The following PTPRN2 variants were observed in gnomAD, a reference collection of about 807,000 sequenced individuals.
PTPRN2 encodes receptor-type tyrosine-protein phosphatase N2.
PTPRN2 carries 74 observed loss-of-function variants against 118.8 expected under a neutral mutation model. The ratio of observed to expected loss-of-function variants is 0.62; its 90% CI spans 0.52 to 0.76. The LOEUF (loss-of-function observed/expected upper bound fraction) is 0.76, where lower values mean the gene tolerates loss of function less well. PTPRN2 is among the 30% of genes least tolerant of loss of function. The pLI is 0.00. For synonymous variants in PTPRN2, 641 were observed against 608.0 expected (o/e 1.05, Z -0.80); for missense variants, 1,481 against 1,394.4 (o/e 1.06, Z -0.99).
chr7:158,476,507 G>A (rs1352534659), intron 2 of PTPRN2, among the ~76,000 whole-genome samples: 1 of 152,234 alleles, frequency 6.6e-6, no homozygotes, highest in African/African-American at 2.4e-5. Context: ...ACGCACGAAG[G>A]ATCAGCCTGT....
chr7:158,475,246 G>A (rs551584023), intron 2 of PTPRN2, among the ~76,000 whole-genome samples: 139 of 152,150 alleles, frequency 9.1e-4, no homozygotes, highest in African/African-American at 3.2e-3. Context: ...GAAGGGCCCC[G>A]AGGACTCCCC....
intron 1 of PTPRN2, among the ~76,000 whole-genome samples, chr7:158,498,465 C>G (rs535068646): frequency 7.9e-5 from 12 of 151,852 alleles, no homozygotes; most frequent in Non-Finnish European, 1.5e-4. Context: ...GCTCTCCATG[C>G]TACACATTCC....
At chr7:157,634,958 A>T (rs1470559108) in intron 14 of PTPRN2, among the ~76,000 whole-genome samples, 2 of 152,244 alleles carry the variant, frequency 1.3e-5, no homozygotes, top group East Asian at 3.8e-4. Context: ...TCCAGGTCCC[A>T]GATGTTCTGA....
At chr7:157,904,757 CAG>C (rs150801313) in intron 11 of PTPRN2, among the ~76,000 whole-genome samples, 4,052 of 152,328 alleles carry the variant, frequency 0.027, 187 homozygotes, top group African/African-American at 0.091. Flanking sequence ...TTCTCACTGG[CAG>C]AGAGAATCGA....
intron 12 of PTPRN2, among the ~76,000 whole-genome samples, chr7:157,732,232 C>T (rs74795395): frequency 3.4e-3 from 124 of 36,808 alleles, no homozygotes; most frequent in African/African-American, 4.1e-3. Flanking sequence ...TCCCGTCCCA[C>T]GCGCCCAGCA....
chr7:158,331,753 A>T (rs1804501017), intron 2 of PTPRN2, among the ~76,000 whole-genome samples: 1 of 150,952 alleles, frequency 6.6e-6, no homozygotes, highest in Non-Finnish European at 1.5e-5. Flanking sequence ...GACGTCACTC[A>T]AACTCACACT....
intron 12 of PTPRN2, among the ~76,000 whole-genome samples, chr7:157,886,064 T>A (rs1245551086): frequency 3.3e-5 from 5 of 152,216 alleles, no homozygotes; most frequent in African/African-American, 1.2e-4. Flanking sequence ...CCAAGTCTGA[T>A]GGGTTGACCC....
chr7:157,555,216 G>T (rs552554165), intron 21 of PTPRN2, among the ~76,000 whole-genome samples: 1 of 152,274 alleles, frequency 6.6e-6, no homozygotes, highest in East Asian at 1.9e-4. Flanking sequence ...TTCACTCAGG[G>T]CTCATTGGGT....
intron 9 of PTPRN2, among the ~76,000 whole-genome samples, chr7:158,113,887 G>A (rs1424804323): frequency 1.3e-5 from 2 of 152,150 alleles, no homozygotes; most frequent in Non-Finnish European, 2.9e-5. Context: ...TCCACTCAGG[G>A]AGGAGCCACA....
Position 157,931,672 on chromosome 7 carries a change from C to A in PTPRN2, c.1724-32935G>T, listed in dbSNP as rs557386104. Among the ~76,000 whole-genome samples, 261 of 151,976 alleles carry A rather than the reference C, an allele frequency of 1.7e-3. 1 individual carries two copies. Among genetic ancestry groups the A allele is most frequent in the African/African-American group, 6.0e-3 (250 of 41,484 alleles). On this transcript the variant is annotated intron_variant, in intron 11 of 22. Transcript: ENST00000389418. The stretch of plus-strand genomic sequence containing the variant: ...CAGGTAAGCTCTGGCTCTTACATGA[C>A]GAGGGGACATTTTCAGTGAGTTACC...
At chr7:158,210,775 C>A (rs1167935294) in intron 3 of PTPRN2, among the ~76,000 whole-genome samples, 2 of 152,060 alleles carry the variant, frequency 1.3e-5, no homozygotes, top group African/African-American at 2.4e-5. Context: ...ATGAAGAAAT[C>A]AAAAACCTGA....
At chr7:157,951,596 C>T (rs76122815) in intron 11 of PTPRN2, among the ~76,000 whole-genome samples, 2,826 of 152,284 alleles carry the variant, frequency 0.019, 34 homozygotes, top group Non-Finnish European at 0.028. Flanking sequence ...ATCTCAACAC[C>T]GGGTGAAAAG....
At chr7:157,989,580 G>A (rs1286728271) in intron 11 of PTPRN2, among the ~76,000 whole-genome samples, 3 of 151,470 alleles carry the variant, frequency 2.0e-5, no homozygotes, top group Admixed American at 1.3e-4. Flanking sequence ...TTTCTGCACC[G>A]CTCTGACCAA....
chr7:157,728,463 C>T (rs1280085584), intron 12 of PTPRN2, among the ~76,000 whole-genome samples: 1 of 152,252 alleles, frequency 6.6e-6, no homozygotes, highest in Non-Finnish European at 1.5e-5. Flanking sequence ...CTGGGCCACA[C>T]TTGTCTGCAT....
chr7:158,278,049 T>A (rs1317637057), intron 3 of PTPRN2, among the ~76,000 whole-genome samples: 1 of 152,026 alleles, frequency 6.6e-6, no homozygotes, highest in East Asian at 1.9e-4. Flanking sequence ...AATCATCAGA[T>A]CCAAGGCCCG....
Position 158,076,260 on chromosome 7 carries a change from G to A in PTPRN2, c.1723+5038C>T, listed in dbSNP as rs777944231. On this transcript the variant is annotated intron_variant, in intron 11 of 22. Transcript: ENST00000389418. ...AATCATGAGGGTGGTACCGGAGCAC[G>A]GATGGGCTTCGGGCCCCACCAGTGC... 3.3e-5 allele frequency among the ~76,000 whole-genome samples: 5 copies of A among 152,340 alleles called. No homozygotes were observed. In the East Asian group the frequency reaches 5.8e-4, roughly 18 times the overall value.
At chr7:158,086,252 C>T (rs1349719545) in intron 10 of PTPRN2, among the ~76,000 whole-genome samples, 1 of 152,076 alleles carries the variant, frequency 6.6e-6, no homozygotes, top group East Asian at 1.9e-4. Flanking sequence ...GCCCACCGCT[C>T]CCAGGCTGAA....
rs11976256 is a variant in PTPRN2, at chr7:158,342,730, G to T, written c.164-25798C>A. Among the ~76,000 whole-genome samples the T allele has an allele frequency of 4.4e-3, 674 of 152,282 alleles. 8 individuals are homozygous for T. Among genetic ancestry groups the T allele is most frequent in the African/African-American group, 0.015 (639 of 41,546 alleles). ...AGAAACTAGAGCCCAGAGAGGTTGG[G>T]TGCCTTGCTGGAGCCCATAGAGGAA... On this transcript the variant is annotated intron_variant, in intron 2 of 22. Coordinates refer to ENST00000389418, the MANE Select transcript of PTPRN2 (RefSeq NM_002847.5).
intron 17 of PTPRN2, among the ~76,000 whole-genome samples, chr7:157,582,481 C>T (rs1192952964): frequency 1.3e-5 from 2 of 151,972 alleles, no homozygotes; most frequent in Non-Finnish European, 2.9e-5. Flanking sequence ...GGATGGCTGC[C>T]ACCGAAAAGA....
Sources: gnomAD v4.1 joint callset for allele counts (sites outside exome capture counted in the v4.1 genomes callset) on GRCh38, gnomAD v4.1.1 for gene constraint, MANE v1.5 for transcripts, NCBI Gene and HGNC (gene_info 2026-07-23, HGNC 2026-07-21) for gene names.